The following KPNA1 variants were observed in gnomAD, a reference collection of about 807,000 sequenced individuals.
KPNA1 encodes karyopherin subunit alpha 1.
In KPNA1, 10 loss-of-function variants were observed where a neutral mutation model predicts 70.5. That is an observed-to-expected ratio of 0.14 (90% CI 0.09 to 0.24). The LOEUF is 0.24. Among genes scored for constraint, KPNA1 ranks in the 10% least tolerant of loss-of-function variants. The pLI is 1.00. For missense variants in KPNA1, 397 were observed against 637.9 expected (o/e 0.62, Z 4.07); for synonymous variants, 192 against 221.9 (o/e 0.87, Z 1.20).
intron 6 of KPNA1, among the ~76,000 whole-genome samples, 160 bp from the exon 7 acceptor site, chr3:122,452,224 A>G (rs2076209525): frequency 6.6e-6 from 1 of 152,172 alleles, no homozygotes; most frequent in African/African-American, 2.4e-5. Flanking sequence ...TGTACAACAA[A>G]CAGAAGGTAT....
intron 1 of KPNA1, among the ~76,000 whole-genome samples, chr3:122,507,174 T>C (rs1244410855): frequency 1.3e-5 from 2 of 152,236 alleles, no homozygotes; most frequent in East Asian, 3.9e-4. Flanking sequence ...GGCGCAGTAG[T>C]TCACACCTGT....
At chr3:122,441,995 T>A in intron 10 of KPNA1, 43 bp downstream of exon 10, 1 of 1,255,188 alleles carries the variant, frequency 8.0e-7, no homozygotes, top group Non-Finnish European at 1.2e-6. Context: ...AAGTTCAATA[T>A]ACTGTTTTTA....
intron 2 of KPNA1, among the ~76,000 whole-genome samples, chr3:122,482,332 C>G (rs6769593): frequency 0.51 from 77,469 of 152,054 alleles, 20,217 homozygotes; most frequent in East Asian, 0.65. Context: ...CATATATGTG[C>G]TCCATAGCTG....
At chr3:122,450,428 A>G (rs558583110) in intron 8 of KPNA1, among the ~76,000 whole-genome samples, 3 of 152,228 alleles carry the variant, frequency 2.0e-5, no homozygotes, top group African/African-American at 7.2e-5. Context: ...CTAAAAATAC[A>G]AAAATTAGCC....
chr3:122,505,348 A>T (rs1231506809), intron 1 of KPNA1, among the ~76,000 whole-genome samples: 1 of 152,112 alleles, frequency 6.6e-6, no homozygotes, highest in Non-Finnish European at 1.5e-5. Flanking sequence ...TAGTAGAGCA[A>T]AAGTTTTATT....
rs1463392032 is a variant in KPNA1, at chr3:122,489,050, T to TTGTGTG, written c.129+7386_129+7387insCACACA. 3.3e-3 allele frequency among the ~76,000 whole-genome samples: 295 copies of TTGTGTG among 88,888 alleles called. 2 individuals carry two copies. The highest frequency in any genetic ancestry group is 0.011 in the African/African-American group (291 of 26,390). 58.3% of individuals were successfully genotyped at this position (88,888 alleles called of 152,430 possible). A position where few individuals can be genotyped will look rare whatever the true frequency, so the allele number is the denominator to read the frequency against. On this transcript the variant is annotated intron_variant, in intron 2 of 13. Transcript: ENST00000344337. The stretch of plus-strand genomic sequence containing the variant: ...TCCCATAACTCGCTTGTGGGTTTTT[T>TTGTGTG]TGCGTGCGTGTGTGTGTGTGTGTGT...
Position 122,425,097 on chromosome 3 carries a change from C to T in KPNA1, c.*1888G>A, listed in dbSNP as rs1431368007. On this transcript the variant is annotated 3_prime_UTR_variant, in exon 14 of 14. Coordinates refer to ENST00000344337, the MANE Select transcript of KPNA1 (RefSeq NM_002264.4). ...GGCTGCGCCATCAATAACAAACAGACATCAGACGGTATCCATCCCAGAGCA... is the reference window on the plus strand; with the variant it reads ...GGCTGCGCCATCAATAACAAACAGATATCAGACGGTATCCATCCCAGAGCA... The T allele has an allele frequency of 2.0e-5, 3 of 152,488 alleles. No individual in the cohort carries two copies. Among genetic ancestry groups the T allele is most frequent in the Non-Finnish European group, 4.4e-5 (3 of 68,044 alleles). The allele number at this position is 152,488 out of a possible 1,614,324, so 9.4% of individuals were successfully genotyped here.
At chr3:122,453,260 A>T (rs1000001640) in intron 6 of KPNA1, among the ~76,000 whole-genome samples, 10 of 152,166 alleles carry the variant, frequency 6.6e-5, no homozygotes, top group African/African-American at 2.4e-4. Context: ...CAACACTTGA[A>T]ATTTCTACAA....
intron 5 of KPNA1, among the ~76,000 whole-genome samples, chr3:122,456,337 A>G (rs1266257050): frequency 1.3e-5 from 2 of 152,244 alleles, no homozygotes; most frequent in African/African-American, 4.8e-5. Context: ...CATAAAGTCA[A>G]ATAAATGAAA....
chr3:122,474,153 C>A (rs765306409), intron 2 of KPNA1, among the ~76,000 whole-genome samples: 7 of 151,998 alleles, frequency 4.6e-5, no homozygotes, highest in Non-Finnish European at 1.0e-4. Flanking sequence ...AAAACATATA[C>A]GAGATTTCTA....
rs1004886057 is a variant in KPNA1, at chr3:122,449,671, C to A, written c.820G>T (p.Ala274Ser). The change falls in exon 9 of 14, where the codon GCC becomes TCC. Residue 274 changes from alanine to serine, a missense_variant. By Grantham distance (99) the Ala-to-Ser change is moderately conservative (BLOSUM62 1). Transcript: ENST00000344337. ...GATAGATATGAGAGGGCCCAGCAGG[C>A]ATCAGCCAGTACATCAGTGTCACTG... is the stretch of plus-strand genomic sequence containing the variant. ...FVSDTDVLAD[A>S]CWALSYLSDG... The A allele has an allele frequency of 6.2e-7, 1 of 1,613,756 alleles. No homozygotes were observed. The highest frequency in any genetic ancestry group is 8.5e-7 in the Non-Finnish European group (1 of 1,179,890).
At chr3:122,446,060 C>A (rs540997603) in intron 9 of KPNA1, among the ~76,000 whole-genome samples, 1 of 152,120 alleles carries the variant, frequency 6.6e-6, no homozygotes, top group African/African-American at 2.4e-5. Context: ...TACACTCCCA[C>A]GCAATAATAA....
intron 4 of KPNA1, among the ~76,000 whole-genome samples, chr3:122,463,721 A>C (rs536760673): frequency 1.3e-3 from 203 of 152,334 alleles, no homozygotes; most frequent in African/African-American, 4.8e-3. Flanking sequence ...AAAATAACCC[A>C]AAAATGAAAA....
intron 9 of KPNA1, among the ~76,000 whole-genome samples, chr3:122,443,505 A>G (rs2107729196): frequency 6.6e-6 from 1 of 152,314 alleles, no homozygotes; most frequent in African/African-American, 2.4e-5. Context: ...TACCTCCTCA[A>G]GTGGGTCCCT....
At chr3:122,511,937 C>T (rs142858885) in intron 1 of KPNA1, among the ~76,000 whole-genome samples, 23 of 152,184 alleles carry the variant, frequency 1.5e-4, no homozygotes, top group African/African-American at 4.8e-4. Context: ...TGTGCTAAAA[C>T]ACTGAAGATG....
chr3:122,469,101 T>C (rs1239440601), intron 2 of KPNA1, among the ~76,000 whole-genome samples: 2 of 152,192 alleles, frequency 1.3e-5, no homozygotes, highest in Admixed American at 1.3e-4. Flanking sequence ...GTCTCATTAA[T>C]GCAGGGCTCC....
intron 1 of KPNA1, among the ~76,000 whole-genome samples, chr3:122,499,757 T>C (rs905288948): frequency 6.8e-6 from 1 of 146,844 alleles, no homozygotes; most frequent in Non-Finnish European, 1.5e-5. Context: ...ACCCTGTCTC[T>C]TCAAGAAAAA....
chr3:122,453,337 T>A (rs1025692715), intron 6 of KPNA1, among the ~76,000 whole-genome samples: 5 of 152,176 alleles, frequency 3.3e-5, no homozygotes, highest in African/African-American at 1.2e-4. Context: ...TTAAAGAATG[T>A]CAGGTTTGGA....
chr3:122,448,827 TTTGAATGA>T (rs2076168712), intron 9 of KPNA1, among the ~76,000 whole-genome samples: 1 of 152,192 alleles, frequency 6.6e-6, no homozygotes, highest in African/African-American at 2.4e-5. Flanking sequence ...CTTCCCAGAT[TTTGAATGA>T]TGTACTTCAG....
Sources: allele counts gnomAD v4.1 joint callset (sites outside exome capture counted in the v4.1 genomes callset), GRCh38; gene constraint gnomAD v4.1.1; transcripts MANE v1.5; gene names NCBI Gene and HGNC (gene_info 2026-07-23, HGNC 2026-07-21).